Variants in DNAJC11 observed in about 807,000 individuals in gnomAD.
DNAJC11 encodes the protein DnaJ heat shock protein family (Hsp40) member C11.
Under a neutral mutation model 78.6 loss-of-function variants are expected in DNAJC11, and 15 were observed. That is an observed-to-expected ratio of 0.19 (90% CI 0.13 to 0.29). The LOEUF is 0.29. DNAJC11 is among the 10% of genes least tolerant of loss of function. The pLI, the probability that DNAJC11 is intolerant of heterozygous loss-of-function variation, is 1.00. For missense variants in DNAJC11, 547 were observed against 709.6 expected, an observed-to-expected ratio of 0.77 and a Z score of 2.60; for synonymous variants, 292 against 272.1, an observed-to-expected ratio of 1.07 and a Z score of -0.72.
intron 7 of DNAJC11, among the ~76,000 whole-genome samples, chr1:6,650,197 A>C (rs550248474): frequency 6.6e-6 from 1 of 152,096 alleles, no homozygotes; most frequent in East Asian, 2.0e-4. Context: ...TGGGAGGTTG[A>C]GGGTGCAGTG....
Position 6,654,080 on chromosome 1 carries a change from T to C in DNAJC11, c.379-41A>G, listed in dbSNP as rs546622251. ...AAGCCGTCAGCAGAACGGGTGGTAT[T>C]TGTGGAATGAAAGACAATGCTACAC... On this transcript the variant is annotated intron_variant, in intron 4 of 15. Transcript: ENST00000377577. The C allele has an allele frequency of 5.6e-6, 9 of 1,604,704 alleles. No homozygotes were observed. In the South Asian group the frequency reaches 9.9e-5, roughly 18 times the overall value.
chr1:6,638,378 AAC>A lies in DNAJC11; in HGVS notation c.1254-16_1254-15del, dbSNP rs1401764263. On this transcript the variant is annotated splice_polypyrimidine_tract_variant and intron_variant, in intron 11 of 15. Transcript: ENST00000377577. ...TTCTCCAATTCCCTTACGCGAGAGGAACACAAGCCCCACGTTAGCGCGGCGCT... is the reference window on the plus strand; with the variant it reads ...TTCTCCAATTCCCTTACGCGAGAGGAACAAGCCCCACGTTAGCGCGGCGCT... 1 of 1,611,652 alleles carries A rather than the reference AAC, an allele frequency of 6.2e-7. No individual in the cohort carries two copies. Among genetic ancestry groups the A allele is most frequent in the Non-Finnish European group, 8.5e-7 (1 of 1,178,758 alleles).
chr1:6,666,904 G>A (rs1642302470), intron 4 of DNAJC11, among the ~76,000 whole-genome samples: 1 of 152,234 alleles, frequency 6.6e-6, no homozygotes, highest in East Asian at 1.9e-4. Context: ...GATAGGGTCT[G>A]GCCATTGAGC....
intron 4 of DNAJC11, among the ~76,000 whole-genome samples, chr1:6,662,607 A>G (rs772720533): frequency 6.6e-6 from 1 of 151,990 alleles, no homozygotes; most frequent in African/African-American, 2.4e-5. Context: ...ACCAATCAGC[A>G]CTCTGTAAAA....
At chr1:6,666,323 T>A (rs985585261) in intron 4 of DNAJC11, among the ~76,000 whole-genome samples, 47 of 152,144 alleles carry the variant, frequency 3.1e-4, no homozygotes, top group Non-Finnish European at 5.7e-4. Flanking sequence ...ATGTATTTCA[T>A]CAGAGGTTTA....
intron 4 of DNAJC11, among the ~76,000 whole-genome samples, chr1:6,660,039 G>A (rs992834077): frequency 6.7e-6 from 1 of 148,900 alleles, no homozygotes; most frequent in Non-Finnish European, 1.5e-5. Context: ...CTGGGCAACA[G>A]AGCAAGACTC....
chr1:6,655,593 G>A (rs1052477066), intron 4 of DNAJC11, among the ~76,000 whole-genome samples: 2 of 151,982 alleles, frequency 1.3e-5, no homozygotes, highest in Non-Finnish European at 1.5e-5. Flanking sequence ...GAGGCTGAGG[G>A]AGTGGGATCA....
intron 10 of DNAJC11, among the ~76,000 whole-genome samples, chr1:6,640,764 G>A (rs1399235244): frequency 6.6e-6 from 1 of 152,072 alleles, no homozygotes; most frequent in East Asian, 1.9e-4. Flanking sequence ...CAACCCAGGA[G>A]GCAGATTGTA....
At position 6,671,077 on chromosome 1, in the gene DNAJC11, G is replaced by A. The variant is rs557261838; in HGVS notation, c.277-3267C>T. 2.0e-5 allele frequency among the ~76,000 whole-genome samples: 3 copies of A among 152,262 alleles called. No homozygotes were observed. In the South Asian group the frequency reaches 6.2e-4, roughly 32 times the overall value. ...TGACTGTGGAGCCACAGTTTCTCTG[G>A]ACTCAGTGGATGGTGACCATCCCAA... is the stretch of plus-strand genomic sequence containing the variant. On this transcript the variant is annotated intron_variant, in intron 3 of 15. Transcript: ENST00000377577.
chr1:6,671,473 T>C (rs1007337420), intron 3 of DNAJC11, among the ~76,000 whole-genome samples: 5 of 150,986 alleles, frequency 3.3e-5, no homozygotes, highest in African/African-American at 1.2e-4. Flanking sequence ...CCTGACCTCA[T>C]GATCCGCCTG....
chr1:6,683,176 G>A (rs190997636), intron 1 of DNAJC11, among the ~76,000 whole-genome samples: 43 of 152,226 alleles, frequency 2.8e-4, no homozygotes, highest in Non-Finnish European at 5.1e-4. Flanking sequence ...CTTCAGGGAC[G>A]GCACTGCCAA....
At chr1:6,684,774 A>G (rs1642611473) in intron 1 of DNAJC11, among the ~76,000 whole-genome samples, 1 of 152,236 alleles carries the variant, frequency 6.6e-6, no homozygotes, top group South Asian at 2.1e-4. Flanking sequence ...TGACACCTAA[A>G]GGTACATTCT....
chr1:6,699,346 A>C (rs961139721), intron 1 of DNAJC11, among the ~76,000 whole-genome samples: 1 of 152,210 alleles, frequency 6.6e-6, no homozygotes, highest in Non-Finnish European at 1.5e-5. Flanking sequence ...GTCCAAAAAC[A>C]ATGACAGGCT....
intron 3 of DNAJC11, among the ~76,000 whole-genome samples, chr1:6,677,538 C>T (rs974275400): frequency 6.6e-6 from 1 of 152,156 alleles, no homozygotes; most frequent in Non-Finnish European, 1.5e-5. Flanking sequence ...CTCATGTGAT[C>T]CTCCCAGCCT....
chr1:6,637,899 T>G (rs374773729), intron 12 of DNAJC11: 16 of 404,402 alleles, frequency 4.0e-5, no homozygotes, highest in African/African-American at 2.8e-4. Context: ...ACCTGTGTTC[T>G]CCTGTGGTGC....
At chr1:6,685,835 G>A (rs1642647689) in intron 1 of DNAJC11, among the ~76,000 whole-genome samples, 1 of 152,072 alleles carries the variant, frequency 6.6e-6, no homozygotes, top group Admixed American at 6.5e-5. Flanking sequence ...CAATATCATT[G>A]TTCTGATGTT....
chr1:6,694,635 GGTTACA>G (rs1570317289), intron 1 of DNAJC11, among the ~76,000 whole-genome samples: 1 of 151,868 alleles, frequency 6.6e-6, no homozygotes, highest in East Asian at 1.9e-4. Flanking sequence ...CTGGACTACA[GGTTACA>G]GCTCATGCCA....
chr1:6,691,302 G>A lies in DNAJC11; in HGVS notation c.73-10265C>T, dbSNP rs184574444. On this transcript the variant is annotated intron_variant, in intron 1 of 15. Transcript: ENST00000377577. ...CAATCACAGAATTCAAGAACAAATG[G>A]GCCCAAGGTGCAAAAATCCTGACTC... Among the ~76,000 whole-genome samples, 19 of 151,900 alleles carry A rather than the reference G, an allele frequency of 1.3e-4. 1 individual carries two copies. The East Asian group carries it at 3.7e-3, about 29-fold the overall frequency.
chr1:6,695,334 CTT>C (rs898794586), intron 1 of DNAJC11, among the ~76,000 whole-genome samples: 1 of 151,654 alleles, frequency 6.6e-6, no homozygotes, highest in Non-Finnish European at 1.5e-5. Context: ...AAACTTCAAA[CTT>C]ATCAAAATCC....
Sources: allele counts gnomAD v4.1 joint callset (sites outside exome capture counted in the v4.1 genomes callset), GRCh38; gene constraint gnomAD v4.1.1; transcripts MANE v1.5; gene names NCBI Gene and HGNC (gene_info 2026-07-23, HGNC 2026-07-21).